MERTK: variants seen among roughly 807,000 people sequenced by gnomAD.
MERTK encodes the protein MER proto-oncogene, tyrosine kinase.
MERTK carries 69 observed loss-of-function variants against 99.3 expected under a neutral mutation model. The observed-to-expected ratio is 0.70, with a 90% CI of 0.57 to 0.85. MERTK has a LOEUF of 0.85. Among genes scored for constraint, MERTK ranks in the 40% least tolerant of loss-of-function variants. The pLI, the probability that MERTK is intolerant of heterozygous loss-of-function variation, is 0.00. For synonymous variants in MERTK, 426 were observed against 467.6 expected, an observed-to-expected ratio of 0.91 and a Z score of 1.15; for missense variants, 1,125 against 1,249.4, an observed-to-expected ratio of 0.90 and a Z score of 1.50.
At chr2:111,987,217 G>C (rs1305411907) in intron 8 of MERTK, among the ~76,000 whole-genome samples, 4 of 152,146 alleles carry the variant, frequency 2.6e-5, no homozygotes, top group Admixed American at 1.3e-4. Context: ...GAACTTTCTT[G>C]GCAGTCGTTT....
At chr2:111,998,600 TAAGA>T (rs1178732425) in intron 10 of MERTK, among the ~76,000 whole-genome samples, 4 of 152,146 alleles carry the variant, frequency 2.6e-5, no homozygotes, top group Admixed American at 6.5e-5. Flanking sequence ...TTGGCTGCAT[TAAGA>T]AAGTCAGGGA....
intron 15 of MERTK, among the ~76,000 whole-genome samples, chr2:112,018,478 A>T (rs182682846): frequency 7.5e-4 from 114 of 152,322 alleles, no homozygotes; most frequent in Non-Finnish European, 1.4e-3. Flanking sequence ...TGTAATTGAC[A>T]TGTGTCTTGG....
intron 17 of MERTK, among the ~76,000 whole-genome samples, chr2:112,022,023 G>C (rs148659041): frequency 1.1e-3 from 165 of 152,298 alleles, no homozygotes; most frequent in African/African-American, 3.7e-3. Flanking sequence ...GCAGATGTGT[G>C]ACGAGGCTGT....
At position 111,913,045 on chromosome 2, in the gene MERTK, C is replaced by T. The variant is rs745417858; in HGVS notation, c.61+14249C>T. On this transcript the variant is annotated intron_variant, in intron 1 of 18. Coordinates refer to ENST00000295408, the MANE Select transcript of MERTK (RefSeq NM_006343.3). ...AAGACTGTCTAGGTAAAAGGCCTGG[C>T]GAAAGGTGAAAAAGTTTCTGTGTGG... 1.9e-5 allele frequency: 19 copies of T among 985,140 alleles called. No homozygotes were observed. The South Asian group carries it at 3.8e-4, about 19-fold the overall frequency. 61.0% of individuals were successfully genotyped at this position (985,140 alleles called of 1,614,324 possible). A position where few individuals can be genotyped will look rare whatever the true frequency, so the allele number is the denominator to read the frequency against.
At chr2:111,972,332 G>A (rs1676139826) in intron 6 of MERTK, among the ~76,000 whole-genome samples, 1 of 152,194 alleles carries the variant, frequency 6.6e-6, no homozygotes, top group Non-Finnish European at 1.5e-5. Flanking sequence ...TGTTTGAAGA[G>A]CCTGAGAGGA....
chr2:111,963,392 C>T (rs1032838527), intron 4 of MERTK, among the ~76,000 whole-genome samples: 12 of 152,322 alleles, frequency 7.9e-5, no homozygotes, highest in African/African-American at 1.9e-4. Flanking sequence ...AGATCCTTTA[C>T]GGGTGTCGGG....
Position 111,929,209 on chromosome 2 carries a change from T to C in MERTK, c.151T>C (p.Leu51=). 6.2e-7 allele frequency: 1 copy of C among 1,614,188 alleles called. No homozygotes were observed. ...CCTGCAAACTGACCACACACCGCTG[T>C]TATCCCTTCCTCACGCCAGTGGGTA... The part of the protein sequence containing the change: ...GSLQTDHTPL[L]SLPHASGYQP... Residue 51 remains leucine (L), a synonymous_variant, in exon 2 of 19, where the codon TTA becomes CTA. Transcript: ENST00000295408.
chr2:111,988,667 C>G (rs1050389793), intron 8 of MERTK, among the ~76,000 whole-genome samples: 2 of 152,220 alleles, frequency 1.3e-5, no homozygotes, highest in Non-Finnish European at 2.9e-5. Context: ...ACTGTGAGGC[C>G]AGGCGTGGTG....
At chr2:111,932,168 G>C (rs1558776677) in intron 2 of MERTK, among the ~76,000 whole-genome samples, 1 of 152,232 alleles carries the variant, frequency 6.6e-6, no homozygotes, top group African/African-American at 2.4e-5. Flanking sequence ...TTAGCGATCA[G>C]AATTTTTGCA....
At chr2:111,939,215 A>T (rs1183228813) in intron 2 of MERTK, among the ~76,000 whole-genome samples, 1 of 152,158 alleles carries the variant, frequency 6.6e-6, no homozygotes, top group East Asian at 1.9e-4. Flanking sequence ...AACGCAGGGC[A>T]TCACACGGCG....
At chr2:111,959,159 G>A (rs1685200202) in intron 4 of MERTK, among the ~76,000 whole-genome samples, 1 of 152,122 alleles carries the variant, frequency 6.6e-6, no homozygotes, top group African/African-American at 2.4e-5. Context: ...TAAAAGTGAT[G>A]CCAAGGCATG....
chr2:111,957,434 G>C (rs1037606154), intron 4 of MERTK, among the ~76,000 whole-genome samples: 2 of 151,942 alleles, frequency 1.3e-5, no homozygotes, highest in African/African-American at 4.8e-5. Flanking sequence ...TCTTTCCTCA[G>C]AGGCCATTTC....
chr2:112,012,495 C>T (rs1252825405), intron 15 of MERTK, among the ~76,000 whole-genome samples: 1 of 152,112 alleles, frequency 6.6e-6, no homozygotes, highest in Non-Finnish European at 1.5e-5. Flanking sequence ...CATGGAGTTG[C>T]TTTCTAGTTG....
intron 1 of MERTK, among the ~76,000 whole-genome samples, chr2:111,925,338 G>C (rs1380581590): frequency 1.5e-4 from 8 of 52,030 alleles, no homozygotes; most frequent in South Asian, 1.3e-3. Flanking sequence ...TTTCGCTCTT[G>C]TTGCCCAGGC....
chr2:111,997,105 G>C (rs1676761565), intron 9 of MERTK: 2 of 710,942 alleles, frequency 2.8e-6, no homozygotes, highest in Non-Finnish European at 5.1e-6. Context: ...TTTGATCTAT[G>C]TATATGTTAT....
chr2:111,904,076 C>G (rs777045467), intron 1 of MERTK, among the ~76,000 whole-genome samples: 4 of 152,036 alleles, frequency 2.6e-5, no homozygotes, highest in Non-Finnish European at 5.9e-5. Flanking sequence ...TTTTTGTTTC[C>G]TAGTAGTTTG....
At position 112,028,969 on chromosome 2, in the gene MERTK, C is replaced by T; in HGVS notation, c.*105C>T. Reference sequence around the variant, plus strand: ...GTATTTGTCTTCCTTACCAAGTGAACTCCATGGCCCCAAAGCACCAGATGA... The same window carrying T: ...GTATTTGTCTTCCTTACCAAGTGAATTCCATGGCCCCAAAGCACCAGATGA... On this transcript the variant is annotated 3_prime_UTR_variant, in exon 19 of 19. Coordinates refer to ENST00000295408, the MANE Select transcript of MERTK (RefSeq NM_006343.3). 1.9e-6 allele frequency: 3 copies of T among 1,597,432 alleles called. No individual in the cohort carries two copies. Among genetic ancestry groups the T allele is most frequent in the Non-Finnish European group, 1.7e-6 (2 of 1,172,380 alleles).
chr2:111,996,574 A>G (rs1676748997), intron 9 of MERTK: 1 of 154,944 alleles, frequency 6.5e-6, no homozygotes, highest in Non-Finnish European at 1.5e-5. Context: ...GTAAAATTTG[A>G]ATTGAATGCA....
At chr2:111,913,747 C>T (rs915526644) in intron 1 of MERTK, among the ~76,000 whole-genome samples, 1 of 152,144 alleles carries the variant, frequency 6.6e-6, no homozygotes, top group Non-Finnish European at 1.5e-5. Context: ...TGGGGTTTCA[C>T]CATTTTGGCC....
Sources: allele counts gnomAD v4.1 joint callset (sites outside exome capture counted in the v4.1 genomes callset), GRCh38; gene constraint gnomAD v4.1.1; transcripts MANE v1.5; gene names NCBI Gene and HGNC (gene_info 2026-07-23, HGNC 2026-07-21).